CAPZB: variants seen among roughly 807,000 people sequenced by gnomAD.
CAPZB encodes F-actin-capping protein subunit beta.
In CAPZB, 2 loss-of-function variants were observed where a neutral mutation model predicts 38.1. The ratio of observed to expected loss-of-function variants is 0.05; its 90% CI spans 0.02 to 0.17. The LOEUF is 0.17. Among genes scored for constraint, CAPZB ranks in the 10% least tolerant of loss-of-function variants. The pLI, the probability that CAPZB is intolerant of heterozygous loss-of-function variation, is 1.00. For synonymous variants in CAPZB, 107 were observed against 127.4 expected (o/e 0.84, Z 1.08); for missense variants, 161 against 334.2 (o/e 0.48, Z 4.04).
At chr1:19,355,683 G>A (rs983115962) in intron 6 of CAPZB, among the ~76,000 whole-genome samples, 3 of 152,202 alleles carry the variant, frequency 2.0e-5, no homozygotes, top group Admixed American at 1.3e-4. Flanking sequence ...GCGCCCCGCT[G>A]AGGCTCTCAA....
intron 2 of CAPZB, among the ~76,000 whole-genome samples, chr1:19,407,389 G>C (rs1468560940): frequency 6.6e-6 from 1 of 152,190 alleles, no homozygotes; most frequent in African/African-American, 2.4e-5. Context: ...CCATCACTGG[G>C]AGGTTGTGTA....
At chr1:19,403,190 C>G (rs577385974) in intron 2 of CAPZB, among the ~76,000 whole-genome samples, 91 of 152,326 alleles carry the variant, frequency 6.0e-4, no homozygotes, top group Admixed American at 1.6e-3. Context: ...CAGGGCCTTG[C>G]ATTCATGGGG....
intron 2 of CAPZB, among the ~76,000 whole-genome samples, chr1:19,405,895 G>A (rs184048918): frequency 1.3e-5 from 2 of 152,310 alleles, no homozygotes; most frequent in Admixed American, 1.3e-4. Flanking sequence ...CCGAGAGTCT[G>A]GAGCTTCACA....
At chr1:19,394,720 TACAAAACAAA>T (rs531289388) in intron 2 of CAPZB, among the ~76,000 whole-genome samples, 2 of 151,984 alleles carry the variant, frequency 1.3e-5, no homozygotes, top group African/African-American at 4.8e-5. Context: ...TGTCTCAAAA[TACAAAACAAA>T]ACAAAACAAA....
At chr1:19,448,699 G>T in intron 1 of CAPZB, 1 of 1,160,434 alleles carries the variant, frequency 8.6e-7, no homozygotes, top group Non-Finnish European at 1.2e-6. Flanking sequence ...ATTTCCTGGG[G>T]GTAGACTGTG....
intron 1 of CAPZB, among the ~76,000 whole-genome samples, chr1:19,460,653 T>A (rs2094548464): frequency 7.2e-6 from 1 of 138,506 alleles, no homozygotes; most frequent in Admixed American, 8.1e-5. Flanking sequence ...GCTCAAGCGA[T>A]CCACCCACCT....
At chr1:19,470,908 G>A (rs1458575154) in intron 1 of CAPZB, among the ~76,000 whole-genome samples, 1 of 152,180 alleles carries the variant, frequency 6.6e-6, no homozygotes, top group Non-Finnish European at 1.5e-5. Context: ...GCCACCACCT[G>A]GCCTGCCTTC....
At chr1:19,413,899 A>G (rs1338174653) in intron 2 of CAPZB, among the ~76,000 whole-genome samples, 1 of 152,228 alleles carries the variant, frequency 6.6e-6, no homozygotes, top group Non-Finnish European at 1.5e-5. Context: ...CTGTCCCTGG[A>G]AAAATGATTT....
chr1:19,377,020 G>C (rs920645956), intron 4 of CAPZB, among the ~76,000 whole-genome samples: 1 of 152,218 alleles, frequency 6.6e-6, no homozygotes, highest in Non-Finnish European at 1.5e-5. Flanking sequence ...AGGCCCACTT[G>C]CATGGCCACT....
intron 2 of CAPZB, among the ~76,000 whole-genome samples, chr1:19,400,516 A>C (rs1346725820): frequency 2.0e-5 from 3 of 152,162 alleles, no homozygotes; most frequent in Non-Finnish European, 2.9e-5. Context: ...CAACCGCGAG[A>C]TGTTGGCTTT....
intron 1 of CAPZB, among the ~76,000 whole-genome samples, chr1:19,479,165 G>A (rs1002450268): frequency 5.3e-5 from 8 of 152,176 alleles, no homozygotes; most frequent in East Asian, 1.9e-4. Context: ...AGTCGAGATC[G>A]TGCCACTGTA....
chr1:19,397,675 G>A (rs1400535249), intron 2 of CAPZB, among the ~76,000 whole-genome samples: 1 of 152,180 alleles, frequency 6.6e-6, no homozygotes, highest in Non-Finnish European at 1.5e-5. Context: ...GAGGGAAATG[G>A]GAAATGCATC....
At chr1:19,391,408 G>A (rs1296024683) in intron 2 of CAPZB, among the ~76,000 whole-genome samples, 2 of 152,064 alleles carry the variant, frequency 1.3e-5, no homozygotes, top group African/African-American at 2.4e-5. Context: ...CCTGTTGGCC[G>A]AGAGCCCACC....
chr1:19,405,396 T>C (rs1161220804), intron 2 of CAPZB, among the ~76,000 whole-genome samples: 1 of 152,046 alleles, frequency 6.6e-6, no homozygotes, highest in Admixed American at 6.6e-5. Flanking sequence ...GAGATTTGGC[T>C]GCCCCTACAG....
At chr1:19,472,085 G>A (rs2094590534) in intron 1 of CAPZB, among the ~76,000 whole-genome samples, 2 of 152,180 alleles carry the variant, frequency 1.3e-5, no homozygotes, top group Non-Finnish European at 2.9e-5. Context: ...GCAGGCAAAA[G>A]GACAAGGGTA....
At chr1:19,362,223 G>A (rs924118299) in intron 4 of CAPZB, among the ~76,000 whole-genome samples, 1 of 151,990 alleles carries the variant, frequency 6.6e-6, no homozygotes, top group African/African-American at 2.4e-5. Context: ...TCTCTCTGTC[G>A]CCCAGGCTGG....
chr1:19,475,104 C>G (rs2094602438), intron 1 of CAPZB, among the ~76,000 whole-genome samples: 1 of 152,198 alleles, frequency 6.6e-6, no homozygotes, highest in Non-Finnish European at 1.5e-5. Flanking sequence ...GAGTCCATGT[C>G]ACTGATAATA....
intron 1 of CAPZB, among the ~76,000 whole-genome samples, chr1:19,452,269 C>A (rs1031879497): frequency 6.6e-5 from 10 of 152,168 alleles, no homozygotes; most frequent in African/African-American, 2.4e-4. Flanking sequence ...CCTGCTCCCC[C>A]GCAACGGCTC....
chr1:19,339,695 A>C, intron 8 of CAPZB, 78 bp from the exon 9 acceptor site: 1 of 1,101,430 alleles, frequency 9.1e-7, no homozygotes, highest in Non-Finnish European at 1.4e-6. Context: ...CCACCATGCC[A>C]GTGCCTGGCT....
Sources: gnomAD v4.1 joint callset for allele counts (sites outside exome capture counted in the v4.1 genomes callset) on GRCh38, gnomAD v4.1.1 for gene constraint, MANE v1.5 for transcripts, NCBI Gene and HGNC (gene_info 2026-07-23, HGNC 2026-07-21) for gene names.